Variants in SUMF1 observed in about 807,000 individuals in gnomAD.
The protein encoded by SUMF1 is sulfatase modifying factor 1, also known as formylglycine-generating enzyme.
A neutral mutation model predicts 47.6 loss-of-function variants in SUMF1; 48 were observed. That is an observed-to-expected ratio of 1.01 (90% confidence interval 0.80 to 1.28). SUMF1 has a LOEUF of 1.28. Among genes scored for constraint, SUMF1 ranks in the 50% most tolerant of loss-of-function variants. SUMF1 has a pLI of 0.00. For synonymous variants in SUMF1, 230 were observed against 192.1 expected (o/e 1.20, Z -1.63); for missense variants, 571 against 485.4 (o/e 1.18, Z -1.66).
chr3:4,360,937 C>A (rs1699736854), downstream of SUMF1, among the ~76,000 whole-genome samples: 1 of 152,152 alleles, frequency 6.6e-6, no homozygotes, highest in Admixed American at 6.5e-5. Flanking sequence ...TCTACTGTGG[C>A]AACAAGCAGC....
chr3:4,138,119 C>G (rs778320694), intron 8 of SUMF1, among the ~76,000 whole-genome samples: 1 of 151,928 alleles, frequency 6.6e-6, no homozygotes, highest in Non-Finnish European at 1.5e-5. Flanking sequence ...GGGTCTTTTG[C>G]GATGAACATG....
Position 4,331,294 on chromosome 3 carries a change from G to C in SUMF1, c.1014+45036C>G, listed in dbSNP as rs975846686. On this transcript the variant is annotated intron_variant and NMD_transcript_variant, in intron 8 of 12. Transcript: ENST00000448413. ...CAAAAACCACATTTTCATGCCTTCTGATAACTTTTCTTAAACCAAAAACAT... is the reference window on the plus strand; with the variant it reads ...CAAAAACCACATTTTCATGCCTTCTCATAACTTTTCTTAAACCAAAAACAT... Among the ~76,000 whole-genome samples, 2 of 150,314 alleles carry C rather than the reference G, an allele frequency of 1.3e-5. 1 individual carries two copies. Among genetic ancestry groups the C allele is most frequent in the African/African-American group, 4.9e-5 (2 of 40,996 alleles).
At chr3:4,036,091 A>G (rs1447907298) in intron 9 of SUMF1, among the ~76,000 whole-genome samples, 1 of 152,198 alleles carries the variant, frequency 6.6e-6, no homozygotes, top group East Asian at 1.9e-4. Flanking sequence ...AAAAATAATG[A>G]ATGTATTTAG....
intron 7 of SUMF1, among the ~76,000 whole-genome samples, chr3:4,403,724 G>T (rs140668415): frequency 6.6e-6 from 1 of 152,216 alleles, no homozygotes; most frequent in Non-Finnish European, 1.5e-5. Flanking sequence ...TGACAATGCA[G>T]TAAGTTGCCC....
intron 8 of SUMF1, among the ~76,000 whole-genome samples, chr3:4,356,019 T>C (rs1379974041): frequency 1.3e-5 from 2 of 152,216 alleles, no homozygotes; most frequent in South Asian, 2.1e-4. Flanking sequence ...TTGTCTGTAA[T>C]GATTTTGCTT....
chr3:4,413,432 A>G (rs549287838), intron 6 of SUMF1, among the ~76,000 whole-genome samples: 55 of 152,244 alleles, frequency 3.6e-4, no homozygotes, highest in African/African-American at 1.1e-3. Flanking sequence ...TACCCACCTT[A>G]AATAATTTGA....
At chr3:4,248,605 C>G (rs1696722364) in intron 8 of SUMF1, among the ~76,000 whole-genome samples, 1 of 152,166 alleles carries the variant, frequency 6.6e-6, no homozygotes, top group African/African-American at 2.4e-5. Flanking sequence ...GATTTCATTT[C>G]TGGAATGGGA....
intron 6 of SUMF1, among the ~76,000 whole-genome samples, chr3:4,416,285 T>C (rs566285616): frequency 6.6e-6 from 1 of 152,278 alleles, no homozygotes; most frequent in South Asian, 2.1e-4. Flanking sequence ...AATATTTATG[T>C]ACAAGATGTT....
intron 5 of SUMF1, 57 bp downstream of exon 5, chr3:4,417,951 GTT>G: frequency 1.2e-6 from 2 of 1,611,692 alleles, no homozygotes; most frequent in Non-Finnish European, 8.5e-7. Context: ...GTTTTTTGTT[GTT>G]GTTTGTTTGT....
intron 9 of SUMF1, among the ~76,000 whole-genome samples, chr3:4,053,485 C>G (rs545013256): frequency 2.0e-5 from 3 of 152,094 alleles, no homozygotes; most frequent in Non-Finnish European, 4.4e-5. Context: ...TTGCCACAAA[C>G]CTTCAGTTTG....
intron 8 of SUMF1, among the ~76,000 whole-genome samples, chr3:4,193,464 C>T (rs1404725596): frequency 2.0e-5 from 3 of 152,012 alleles, no homozygotes; most frequent in South Asian, 2.1e-4. Flanking sequence ...TGGGGACACC[C>T]GAATTTGTGG....
intron 8 of SUMF1, among the ~76,000 whole-genome samples, chr3:4,325,279 T>A (rs1698918445): frequency 6.6e-6 from 1 of 152,038 alleles, no homozygotes; most frequent in African/African-American, 2.4e-5. Context: ...TAGAATGATT[T>A]ATTCCTAGAA....
At chr3:4,217,214 G>A (rs1321638242) in intron 8 of SUMF1, among the ~76,000 whole-genome samples, 2 of 151,730 alleles carry the variant, frequency 1.3e-5, no homozygotes, top group African/African-American at 2.4e-5. Flanking sequence ...GTCCTTTGCA[G>A]GGACATGGAT....
intron 8 of SUMF1, among the ~76,000 whole-genome samples, chr3:4,135,408 T>C (rs968704959): frequency 6.6e-6 from 1 of 152,106 alleles, no homozygotes; most frequent in Non-Finnish European, 1.5e-5. Flanking sequence ...AAAAGGCCTT[T>C]GACAAAATTC....
chr3:4,410,446 T>C (rs1242667133), intron 7 of SUMF1, among the ~76,000 whole-genome samples: 1 of 152,182 alleles, frequency 6.6e-6, no homozygotes. Context: ...CTCCAAACAA[T>C]GCTGCTGAAT....
chr3:4,250,234 G>A (rs1696766515), intron 8 of SUMF1, among the ~76,000 whole-genome samples: 1 of 148,264 alleles, frequency 6.7e-6, no homozygotes, highest in African/African-American at 2.5e-5. Context: ...AAGAAAGGGA[G>A]AGGGTGAGGG....
intron 8 of SUMF1, among the ~76,000 whole-genome samples, chr3:4,329,235 C>T (rs1048327563): frequency 6.6e-6 from 1 of 152,208 alleles, no homozygotes; most frequent in Non-Finnish European, 1.5e-5. Context: ...CTCACAGCTC[C>T]ACTAGGCAGT....
In SUMF1 at chr3:4,042,291, G is replaced by C. The variant is rs375836685; in HGVS notation, c.1191+26278C>G. ...ACCTGATCTTTATAACGTGACAATT[G>C]TCCAAATCAAAATGGAGTCACTAAA... is the stretch of plus-strand genomic sequence containing the variant. On this transcript the variant is annotated intron_variant and NMD_transcript_variant, in intron 9 of 12. Coordinates refer to the SUMF1 transcript ENST00000448413. 1.8e-4 allele frequency among the ~76,000 whole-genome samples: 27 copies of C among 152,228 alleles called. 1 individual carries two copies. In the South Asian group the frequency reaches 3.5e-3, roughly 20 times the overall value.
At chr3:4,109,251 C>T (rs1321084139) in intron 8 of SUMF1, among the ~76,000 whole-genome samples, 1 of 152,012 alleles carries the variant, frequency 6.6e-6, no homozygotes, top group African/African-American at 2.4e-5. Context: ...TGAATATTGG[C>T]CCCCACTCTC....
Sources: gnomAD v4.1 joint callset for allele counts (sites outside exome capture counted in the v4.1 genomes callset) on GRCh38, gnomAD v4.1.1 for gene constraint, MANE v1.5 for transcripts, NCBI Gene and HGNC (gene_info 2026-07-23, HGNC 2026-07-21) for gene names.